MCPH1: variants seen among roughly 807,000 people sequenced by gnomAD.
MCPH1 encodes the protein microcephalin 1, also known as microcephalin.
A neutral mutation model predicts 84.5 loss-of-function variants in MCPH1; 104 were observed. That is an observed-to-expected ratio of 1.23 (90% CI 1.05 to 1.45). The LOEUF is 1.45. Among genes scored for constraint, MCPH1 ranks in the 40% most tolerant of loss-of-function variants. MCPH1 has a pLI of 0.00. For missense variants in MCPH1, 1,498 were observed against 1,005.7 expected (o/e 1.49, Z -6.62); for synonymous variants, 514 against 366.8 (o/e 1.40, Z -4.58).
At chr8:6,576,828 G>T (rs975063694) in intron 12 of MCPH1, among the ~76,000 whole-genome samples, 5 of 151,198 alleles carry the variant, frequency 3.3e-5, no homozygotes, top group Non-Finnish European at 5.9e-5. Context: ...CTCCTAAAGT[G>T]CTGGGAGAGG....
At chr8:6,583,305 C>G (rs914602089) in intron 12 of MCPH1, among the ~76,000 whole-genome samples, 2 of 151,974 alleles carry the variant, frequency 1.3e-5, no homozygotes, top group African/African-American at 4.8e-5. Flanking sequence ...AGGATTGACA[C>G]AAATAATAGC....
Position 6,634,524 on chromosome 8 carries a change from G to T in MCPH1, c.2453-8470G>T, listed in dbSNP as rs545988235. Among the ~76,000 whole-genome samples the T allele has an allele frequency of 3.3e-5, 5 of 152,296 alleles. No homozygotes were observed. In the East Asian group the frequency reaches 9.6e-4, roughly 29 times the overall value. On this transcript the variant is annotated intron_variant, in intron 13 of 13. Coordinates refer to ENST00000344683, the MANE Select transcript of MCPH1 (RefSeq NM_024596.5). ...AGTGCTGTGCAAATGCAGCAGGCAC[G>T]CATAAGTGTAAACCTGCTCTCATGG...
intron 12 of MCPH1, among the ~76,000 whole-genome samples, chr8:6,553,764 C>T (rs2959763): frequency 0.13 from 19,761 of 151,800 alleles, 3,566 homozygotes; most frequent in African/African-American, 0.41. Context: ...GTTTCCCCAT[C>T]CCCTTTTGGG....
rs189002234 is a variant in MCPH1 at position 6,612,218 on chromosome 8, C to A, written c.2215-9236C>A. 4.7e-4 allele frequency among the ~76,000 whole-genome samples: 71 copies of A among 152,302 alleles called. 3 individuals are homozygous for A. In the East Asian group the frequency reaches 0.013, roughly 28 times the overall value. ...CGGGGCAGAAACCAAATACATATTT[C>A]TCGTTATAGCACAGTGTCACCCCCT... On this transcript the variant is annotated intron_variant, in intron 12 of 13. Transcript: ENST00000344683.
At chr8:6,518,259 A>C (rs571677865) in intron 12 of MCPH1, among the ~76,000 whole-genome samples, 1 of 152,324 alleles carries the variant, frequency 6.6e-6, no homozygotes, top group South Asian at 2.1e-4. Context: ...TCCCCAGGCC[A>C]AGAACACGCC....
chr8:6,411,749 A>C (rs1306431962), intron 2 of MCPH1, among the ~76,000 whole-genome samples: 1 of 152,158 alleles, frequency 6.6e-6, no homozygotes, highest in African/African-American at 2.4e-5. Context: ...TTCATTGTAT[A>C]TGTATGTATA....
intron 3 of MCPH1, among the ~76,000 whole-genome samples, chr8:6,419,644 C>A (rs926720798): frequency 2.6e-5 from 4 of 151,504 alleles, no homozygotes; most frequent in African/African-American, 7.3e-5. Flanking sequence ...CCTTGTGATC[C>A]ACCTGCCTTG....
At chr8:6,640,606 T>TAA (rs1379911718) in intron 13 of MCPH1, among the ~76,000 whole-genome samples, 101 of 152,358 alleles carry the variant, frequency 6.6e-4, no homozygotes, top group African/African-American at 2.4e-3. Flanking sequence ...ACTTTTGTTG[T>TAA]GTTATAAAAC....
chr8:6,629,437 G>A (rs188220102), intron 13 of MCPH1, among the ~76,000 whole-genome samples: 8 of 152,204 alleles, frequency 5.3e-5, no homozygotes, highest in Admixed American at 3.9e-4. Context: ...ACTCCAACCT[G>A]TGCAACAGAG....
intron 12 of MCPH1, among the ~76,000 whole-genome samples, chr8:6,578,635 G>C (rs998774142): frequency 6.6e-6 from 1 of 152,198 alleles, no homozygotes; most frequent in African/African-American, 2.4e-5. Flanking sequence ...ACTAGAATAA[G>C]TAGTCAGCAA....
At chr8:6,513,622 CG>C in intron 12 of MCPH1, 2 of 1,521,042 alleles carry the variant, frequency 1.3e-6, no homozygotes, top group Non-Finnish European at 1.8e-6. Flanking sequence ...CGTGAGCCAC[CG>C]TGCCCGGCCA....
Position 6,412,538 on chromosome 8 carries a change from C to T in MCPH1, c.115-2227C>T, listed in dbSNP as rs535863024. On this transcript the variant is annotated intron_variant, in intron 2 of 13. Coordinates refer to ENST00000344683, the MANE Select transcript of MCPH1 (RefSeq NM_024596.5). Reference sequence around the variant, plus strand: ...TTTGAGATGATTTAAAACCAGACTACAGGCCTGTGAGGGTCATTATAACTT... The same window carrying T: ...TTTGAGATGATTTAAAACCAGACTATAGGCCTGTGAGGGTCATTATAACTT... Among the ~76,000 whole-genome samples, 137 of 152,310 alleles carry T rather than the reference C, an allele frequency of 9.0e-4. 1 individual carries two copies. The highest frequency in any genetic ancestry group is 4.4e-5 in the Non-Finnish European group (3 of 68,032).
At chr8:6,475,778 C>T (rs780903620) in intron 9 of MCPH1, among the ~76,000 whole-genome samples, 6 of 152,126 alleles carry the variant, frequency 3.9e-5, no homozygotes, top group African/African-American at 9.7e-5. Flanking sequence ...GAGTTTAAAA[C>T]AGGCAGCCAT....
intron 9 of MCPH1, among the ~76,000 whole-genome samples, chr8:6,461,437 G>T (rs2920661): frequency 0.26 from 37,343 of 146,258 alleles, 6,641 homozygotes; most frequent in African/African-American, 0.51. Context: ...AGTGATTCTT[G>T]TGTCTCAACC....
At position 6,607,550 on chromosome 8, in the gene MCPH1, G is replaced by A. The variant is rs114878917; in HGVS notation, c.2215-13904G>A. ...AAATCTTTCCTTCCCTACTGATATGGTTTGGCTGTGTCCCTACTCAAATCT... is the reference window on the plus strand; with the variant it reads ...AAATCTTTCCTTCCCTACTGATATGATTTGGCTGTGTCCCTACTCAAATCT... On this transcript the variant is annotated intron_variant, in intron 12 of 13. Transcript: ENST00000344683. 1.6e-3 allele frequency among the ~76,000 whole-genome samples: 245 copies of A among 152,302 alleles called. 2 individuals carry two copies. The highest frequency in any genetic ancestry group is 5.7e-3 in the African/African-American group (238 of 41,564).
intron 12 of MCPH1, among the ~76,000 whole-genome samples, chr8:6,536,287 G>A (rs979629966): frequency 6.6e-6 from 1 of 152,138 alleles, no homozygotes; most frequent in Non-Finnish European, 1.5e-5. Flanking sequence ...GGGAATCGCT[G>A]TGTCGGGATC....
intron 12 of MCPH1, 36 bp from the exon 13 acceptor site, chr8:6,621,418 C>A: frequency 6.2e-7 from 1 of 1,612,152 alleles, no homozygotes; most frequent in Non-Finnish European, 8.5e-7. Flanking sequence ...CTGGAGTGGT[C>A]CCACCTCTGT....
chr8:6,601,034 A>G (rs770971541), intron 12 of MCPH1, among the ~76,000 whole-genome samples: 1 of 152,022 alleles, frequency 6.6e-6, no homozygotes, highest in Non-Finnish European at 1.5e-5. Context: ...CAGGAAGGAG[A>G]GCTGAGGCTC....
At chr8:6,592,687 C>T (rs1467381136) in intron 12 of MCPH1, among the ~76,000 whole-genome samples, 4 of 132,276 alleles carry the variant, frequency 3.0e-5, no homozygotes, top group Non-Finnish European at 4.7e-5. Context: ...AGGGGTCTCA[C>T]TCTGTCACCC....
Sources: allele counts gnomAD v4.1 joint callset (sites outside exome capture counted in the v4.1 genomes callset), GRCh38; gene constraint gnomAD v4.1.1; transcripts MANE v1.5; gene names NCBI Gene and HGNC (gene_info 2026-07-23, HGNC 2026-07-21).